USH2A: variants seen among roughly 807,000 people sequenced by gnomAD.
USH2A encodes Usher syndrome 2A (autosomal recessive, mild).
A neutral mutation model predicts 538.9 loss-of-function variants in USH2A; 443 were observed. That is an observed-to-expected ratio of 0.82 (90% CI 0.76 to 0.89). The LOEUF (loss-of-function observed/expected upper bound fraction) is 0.89. Ranked by LOEUF, USH2A falls within the 40% of genes least tolerant of loss-of-function variation. The probability of loss-of-function intolerance (pLI) is 0.00; values close to 1 mark genes in which losing one functional copy is unlikely to be tolerated. For synonymous variants in USH2A, 2,413 were observed against 2,273.5 expected (o/e 1.06, Z -1.75); for missense variants, 6,633 against 6,324.8 (o/e 1.05, Z -1.65).
intron 38 of USH2A, among the ~76,000 whole-genome samples, chr1:215,918,770 T>C (rs1666024861): frequency 6.6e-6 from 1 of 152,120 alleles, no homozygotes; most frequent in East Asian, 1.9e-4. Flanking sequence ...ATAAAAATTA[T>C]GATATTCATT....
chr1:216,353,064 T>G lies in USH2A; in HGVS notation c.784+11889A>C, dbSNP rs7518493. On this transcript the variant is annotated intron_variant, in intron 4 of 71. Coordinates refer to ENST00000307340, the MANE Select transcript of USH2A (RefSeq NM_206933.4). ...CTATGCTGTGGTAGTGCCAAGATCA[T>G]AGTAGAAGTGAAGAAAAAACGGCAG... is the stretch of plus-strand genomic sequence containing the variant. Among the ~76,000 whole-genome samples the G allele has an allele frequency of 3.7e-3, 559 of 152,012 alleles. 7 individuals carry two copies. Among genetic ancestry groups the G allele is most frequent in the African/African-American group, 0.012 (503 of 41,486 alleles).
In USH2A at chr1:216,165,532, A is replaced by AAATTGAGT. The variant is rs2034149687; in HGVS notation, c.4627+9712_4627+9719dup. On this transcript the variant is annotated intron_variant, in intron 21 of 71. Transcript: ENST00000307340. ...CATCTAAGGCCAATAGAGACTAAAC[A>AAATTGAGT]AATTGAGTTATCACTCTAAACCATC... is the stretch of plus-strand genomic sequence containing the variant. Among the ~76,000 whole-genome samples the AAATTGAGT allele has an allele frequency of 7.9e-5, 12 of 152,320 alleles. No homozygotes were observed. The South Asian group carries it at 2.5e-3, about 32-fold the overall frequency.
intron 4 of USH2A, among the ~76,000 whole-genome samples, chr1:216,340,954 T>C (rs1414986660): frequency 6.6e-6 from 1 of 152,138 alleles, no homozygotes; most frequent in Non-Finnish European, 1.5e-5. Context: ...ATCCCTTCTT[T>C]CATCATTCCT....
chr1:216,020,038 G>A (rs866664986), intron 32 of USH2A, among the ~76,000 whole-genome samples: 1 of 152,106 alleles, frequency 6.6e-6, no homozygotes, highest in South Asian at 2.1e-4. Context: ...AATCATTTCT[G>A]TAGAATGATG....
intron 61 of USH2A, among the ~76,000 whole-genome samples, chr1:215,726,957 A>G (rs993558853): frequency 8.5e-5 from 13 of 152,126 alleles, no homozygotes; most frequent in African/African-American, 2.7e-4. Flanking sequence ...TCTCTGCAAT[A>G]TTATAAAACG....
rs538622965 is a variant in USH2A at position 216,419,782 on chromosome 1, G to A, written c.486-1103C>T. Among the ~76,000 whole-genome samples the A allele has an allele frequency of 3.3e-5, 5 of 152,180 alleles. No homozygotes were observed. In the East Asian group the frequency reaches 9.7e-4, roughly 29 times the overall value. ...AAAATTGAGCCAATCAAGAATTACT[G>A]CTAAAGATGGTTTAAAGCTTTCCTT... On this transcript the variant is annotated intron_variant, in intron 2 of 71. Coordinates refer to ENST00000307340, the MANE Select transcript of USH2A (RefSeq NM_206933.4).
At chr1:215,800,342 C>T (rs911582115) in intron 49 of USH2A, among the ~76,000 whole-genome samples, 6 of 152,070 alleles carry the variant, frequency 3.9e-5, no homozygotes, top group Non-Finnish European at 7.4e-5. Context: ...TTTTCTCTAC[C>T]GTTCTTTCTT....
At chr1:215,924,793 G>GTC (rs1015936145) in intron 38 of USH2A, among the ~76,000 whole-genome samples, 1 of 151,608 alleles carries the variant, frequency 6.6e-6, no homozygotes, top group Non-Finnish European at 1.5e-5. Context: ...ATTTTTTTAA[G>GTC]TCTCTCTCTC....
intron 27 of USH2A, among the ~76,000 whole-genome samples, chr1:216,077,577 TTATA>T (rs1301263260): frequency 1.3e-5 from 2 of 148,880 alleles, no homozygotes; most frequent in African/African-American, 2.4e-5. Flanking sequence ...ATATATATAA[TTATA>T]TATATAATTA....
intron 44 of USH2A, among the ~76,000 whole-genome samples, chr1:215,861,376 T>C (rs1422901745): frequency 2.0e-5 from 3 of 152,258 alleles, no homozygotes; most frequent in Non-Finnish European, 2.9e-5. Context: ...ATGAGTTAGT[T>C]AGCGAAGCTG....
intron 41 of USH2A, among the ~76,000 whole-genome samples, chr1:215,886,861 T>C (rs1395438593): frequency 6.7e-6 from 1 of 150,234 alleles, no homozygotes; most frequent in Non-Finnish European, 1.5e-5. Context: ...AAAATACTTA[T>C]TTTTTTTTTC....
intron 30 of USH2A, among the ~76,000 whole-genome samples, chr1:216,055,432 G>A (rs938457410): frequency 6.6e-6 from 1 of 152,174 alleles, no homozygotes; most frequent in Non-Finnish European, 1.5e-5. Flanking sequence ...TCTGGCTGAG[G>A]ATCCCGCTGC....
chr1:215,721,258 A>G (rs947096831), intron 61 of USH2A, among the ~76,000 whole-genome samples: 5 of 152,156 alleles, frequency 3.3e-5, no homozygotes, highest in African/African-American at 1.2e-4. Context: ...TATTTTTACT[A>G]GAGACAGGAT....
At chr1:215,696,140 A>G (rs1424254125) in intron 61 of USH2A, among the ~76,000 whole-genome samples, 1 of 152,172 alleles carries the variant, frequency 6.6e-6, no homozygotes, top group South Asian at 2.1e-4. Context: ...CAACAAACAC[A>G]TATTTTGTTT....
At chr1:215,984,642 C>A (rs1331222032) in intron 35 of USH2A, among the ~76,000 whole-genome samples, 1 of 152,140 alleles carries the variant, frequency 6.6e-6, no homozygotes, top group Non-Finnish European at 1.5e-5. Flanking sequence ...CAAGGAAATT[C>A]AATGCAAGTA....
rs772954007 is a variant in USH2A, at chr1:215,622,967, CTATT to C, written c.*2810_*2813del. 1 of 151,800 alleles carries C rather than the reference CTATT, an allele frequency of 6.6e-6. No homozygotes were observed. Among genetic ancestry groups the C allele is most frequent in the Non-Finnish European group, 1.5e-5 (1 of 67,992 alleles). The allele number at this position is 151,800 out of a possible 1,614,324, so 9.4% of individuals were successfully genotyped here. On this transcript the variant is annotated 3_prime_UTR_variant, in exon 72 of 72. Transcript: ENST00000307340. Reference sequence around the variant, plus strand: ...ATGATATTTGTGCATTGGAAACCAACTATTCATTTGTGACATAATTAAAAGTTCC... The same window carrying C: ...ATGATATTTGTGCATTGGAAACCAACCATTTGTGACATAATTAAAAGTTCC...
At chr1:216,411,501 A>T (rs184874804) in intron 3 of USH2A, among the ~76,000 whole-genome samples, 4 of 152,162 alleles carry the variant, frequency 2.6e-5, no homozygotes, top group African/African-American at 9.7e-5. Flanking sequence ...AGAAGAGAAG[A>T]CACACACGAT....
chr1:215,694,461 T>C (rs1335858059), intron 61 of USH2A, among the ~76,000 whole-genome samples: 1 of 152,100 alleles, frequency 6.6e-6, no homozygotes, highest in Non-Finnish European at 1.5e-5. Flanking sequence ...TAGTCCCAGC[T>C]ACTCGGGAGG....
At chr1:215,651,872 T>C (rs1286448283) in intron 64 of USH2A, among the ~76,000 whole-genome samples, 1 of 152,214 alleles carries the variant, frequency 6.6e-6, no homozygotes, top group Non-Finnish European at 1.5e-5. Context: ...ATACTTTTCT[T>C]TTTTTCCGGA....
Sources: gnomAD v4.1 joint callset for allele counts (sites outside exome capture counted in the v4.1 genomes callset) on GRCh38, gnomAD v4.1.1 for gene constraint, MANE v1.5 for transcripts, NCBI Gene and HGNC (gene_info 2026-07-23, HGNC 2026-07-21) for gene names.